The following DKK2 variants were observed in gnomAD, a reference collection of about 807,000 sequenced individuals.
DKK2 encodes dickkopf-related protein 2.
DKK2 carries 11 observed loss-of-function variants against 28.1 expected under a neutral mutation model. The observed-to-expected ratio is 0.39, with a 90% CI of 0.25 to 0.65. DKK2 has a LOEUF of 0.65. DKK2 is among the 30% of genes least tolerant of loss of function. The pLI is 0.47. For synonymous variants in DKK2, 135 were observed against 126.5 expected (o/e 1.07, Z -0.45); for missense variants, 326 against 335.5 (o/e 0.97, Z 0.22).
intron 1 of DKK2, among the ~76,000 whole-genome samples, chr4:107,020,279 A>C (rs368221639): frequency 6.6e-5 from 10 of 152,206 alleles, no homozygotes; most frequent in African/African-American, 2.4e-4. Context: ...AAGACCAAAA[A>C]TGTTACAATG....
chr4:106,995,421 C>T (rs1723257395), intron 1 of DKK2, among the ~76,000 whole-genome samples: 1 of 152,020 alleles, frequency 6.6e-6, no homozygotes, highest in Non-Finnish European at 1.5e-5. Context: ...TCTCAATGTT[C>T]TGTTGTTTCT....
intron 1 of DKK2, among the ~76,000 whole-genome samples, chr4:106,931,490 G>C (rs1724504525): frequency 6.6e-6 from 1 of 151,846 alleles, no homozygotes; most frequent in African/African-American, 2.4e-5. Flanking sequence ...GTGTGTTTTT[G>C]TATTAGTATG....
chr4:106,981,839 TTATATAA>T (rs1723030337), intron 1 of DKK2, among the ~76,000 whole-genome samples: 1 of 152,148 alleles, frequency 6.6e-6, no homozygotes. Context: ...TATATCATAC[TTATATAA>T]TATATTTATG....
chr4:106,932,381 C>G (rs1000143005), intron 1 of DKK2, among the ~76,000 whole-genome samples: 2 of 152,168 alleles, frequency 1.3e-5, no homozygotes, highest in African/African-American at 4.8e-5. Flanking sequence ...GGTTGCTCCT[C>G]CCTGTTCTCT....
chr4:106,933,545 G>A (rs927849380), intron 1 of DKK2, among the ~76,000 whole-genome samples: 2 of 152,138 alleles, frequency 1.3e-5, no homozygotes, highest in African/African-American at 4.8e-5. Context: ...CATTATGGCT[G>A]GATTGTTTCA....
intron 1 of DKK2, among the ~76,000 whole-genome samples, chr4:106,953,408 A>T (rs1485900892): frequency 6.6e-6 from 1 of 152,176 alleles, no homozygotes. Context: ...AACTCTGTTC[A>T]TACCTTCCCA....
At chr4:107,032,280 C>T (rs1384647980) in intron 1 of DKK2, among the ~76,000 whole-genome samples, 2 of 151,954 alleles carry the variant, frequency 1.3e-5, no homozygotes, top group Non-Finnish European at 2.9e-5. Context: ...GAAAGCCAAC[C>T]TTAAATTGAG....
At chr4:106,969,887 T>C (rs1683832237) in intron 1 of DKK2, among the ~76,000 whole-genome samples, 1 of 152,078 alleles carries the variant, frequency 6.6e-6, no homozygotes, top group South Asian at 2.1e-4. Context: ...GGGGCCTTCC[T>C]ACTCCAGGGG....
At chr4:106,974,390 A>G (rs948849726) in intron 1 of DKK2, among the ~76,000 whole-genome samples, 9 of 152,106 alleles carry the variant, frequency 5.9e-5, no homozygotes, top group African/African-American at 2.2e-4. Context: ...ATGTTTTTCC[A>G]TTTGTTTATG....
chr4:107,010,388 T>C lies in DKK2; in HGVS notation c.222+24982A>G, dbSNP rs113384443. Among the ~76,000 whole-genome samples the C allele has an allele frequency of 4.0e-5, 6 of 151,846 alleles. 1 individual carries two copies. The highest frequency in any genetic ancestry group is 1.4e-4 in the African/African-American group (6 of 41,522). On this transcript the variant is annotated intron_variant, in intron 1 of 3. Transcript: ENST00000285311. ...GTTGAAATAATCTACTAAGTGTACA[T>C]TGCTGTTTTCATGTGATGTTTCACT...
At chr4:106,996,920 A>T (rs1437938559) in intron 1 of DKK2, among the ~76,000 whole-genome samples, 2 of 152,102 alleles carry the variant, frequency 1.3e-5, no homozygotes, top group Admixed American at 6.6e-5. Context: ...GTGACATGTG[A>T]TTTACCCATG....
chr4:107,006,128 A>G lies in DKK2; in HGVS notation c.222+29242T>C, dbSNP rs115729888. On this transcript the variant is annotated intron_variant, in intron 1 of 3. Transcript: ENST00000285311. ...AAACCAAAGGTCTAGAAAGCAATCA[A>G]AATGCTAGAATGTAGCAAATGAGCT... Among the ~76,000 whole-genome samples the G allele has an allele frequency of 3.2e-3, 488 of 152,372 alleles. 4 individuals carry two copies. Among genetic ancestry groups the G allele is most frequent in the African/African-American group, 0.011 (473 of 41,590 alleles).
intron 1 of DKK2, among the ~76,000 whole-genome samples, chr4:106,944,889 T>C (rs1446344545): frequency 2.6e-5 from 4 of 152,158 alleles, no homozygotes; most frequent in Admixed American, 2.0e-4. Context: ...GATGGATTAC[T>C]GTCTGACTAT....
At chr4:107,005,075 GC>G (rs1254028275) in intron 1 of DKK2, among the ~76,000 whole-genome samples, 2 of 152,084 alleles carry the variant, frequency 1.3e-5, no homozygotes, top group African/African-American at 4.8e-5. Flanking sequence ...GAGTGCGGTG[GC>G]TCACGTCTGT....
intron 1 of DKK2, among the ~76,000 whole-genome samples, chr4:107,010,867 C>T (rs916880062): frequency 1.3e-5 from 2 of 150,822 alleles, no homozygotes; most frequent in African/African-American, 4.8e-5. Flanking sequence ...TCATTAAAAA[C>T]CCATAGATAT....
At chr4:107,005,467 A>G (rs1723425405) in intron 1 of DKK2, among the ~76,000 whole-genome samples, 1 of 152,144 alleles carries the variant, frequency 6.6e-6, no homozygotes, top group Admixed American at 6.5e-5. Context: ...TAAAAAAATG[A>G]ATCAACAAAA....
chr4:106,979,724 G>A (rs971051963), intron 1 of DKK2, among the ~76,000 whole-genome samples: 6 of 152,220 alleles, frequency 3.9e-5, no homozygotes, highest in Non-Finnish European at 8.8e-5. Context: ...TCTGCTGAGT[G>A]TGTAACACAC....
In DKK2 at chr4:106,922,807, T is replaced by A. The variant is rs1201043744; in HGVS notation, c.*1147A>T. On this transcript the variant is annotated 3_prime_UTR_variant, in exon 4 of 4. Coordinates refer to ENST00000285311, the MANE Select transcript of DKK2 (RefSeq NM_014421.3). ...TGCAGATATTCATTTAGACTGTGCA[T>A]CCCCTGGTTTCAAAGATGAACAGCC... 1 of 152,168 alleles carries A rather than the reference T, an allele frequency of 6.6e-6. No homozygotes were observed. Among genetic ancestry groups the A allele is most frequent in the African/African-American group, 2.4e-5 (1 of 41,446 alleles). The allele number at this position is 152,168 out of a possible 1,614,324, so 9.4% of individuals were successfully genotyped here.
At chr4:106,946,431 A>T (rs2110345427) in intron 1 of DKK2, among the ~76,000 whole-genome samples, 1 of 152,242 alleles carries the variant, frequency 6.6e-6, no homozygotes, top group Non-Finnish European at 1.5e-5. Flanking sequence ...CATGAGTTAA[A>T]AATTGTTGAA....
Sources: gnomAD v4.1 joint callset for allele counts (sites outside exome capture counted in the v4.1 genomes callset) on GRCh38, gnomAD v4.1.1 for gene constraint, MANE v1.5 for transcripts, NCBI Gene and HGNC (gene_info 2026-07-23, HGNC 2026-07-21) for gene names.